Variants in AKAP6 observed in about 807,000 individuals in gnomAD.
AKAP6 encodes the protein A-kinase anchor protein 6.
AKAP6 carries 58 observed loss-of-function variants against 188.5 expected under a neutral mutation model. The ratio of observed to expected loss-of-function variants is 0.31; its 90% CI spans 0.25 to 0.38. The LOEUF is 0.38. Ranked by LOEUF, AKAP6 falls within the 10% of genes least tolerant of loss-of-function variation. The pLI is 1.00. For missense variants in AKAP6, 2,710 were observed against 2,740.0 expected, an observed-to-expected ratio of 0.99 and a Z score of 0.24; for synonymous variants, 989 against 998.6, an observed-to-expected ratio of 0.99 and a Z score of 0.18.
Position 32,433,305 on chromosome 14 carries a change from A to G in AKAP6, c.-34-155A>G, listed in dbSNP as rs984889740. On this transcript the variant is annotated intron_variant, in intron 1 of 13. Transcript: ENST00000280979. ...TGGCTCTTGGGGCTACCATGTAGAA[A>G]ATCAAAACACCTCTTTCTGTTTTTG... is the stretch of plus-strand genomic sequence containing the variant. 10 of 602,004 alleles carry G rather than the reference A, an allele frequency of 1.7e-5. No individual in the cohort carries two copies. The African/African-American group carries it at 1.7e-4, about 10-fold the overall frequency. 37.3% of individuals were successfully genotyped at this position (602,004 alleles called of 1,614,324 possible).
chr14:32,786,296 A>ATGTTTTTTT lies in AKAP6; in HGVS notation c.3588+12404_3588+12405insGTTTTTTTT. Among the ~76,000 whole-genome samples the ATGTTTTTTT allele has an allele frequency of 7.2e-3, 675 of 93,610 alleles. 121 individuals carry two copies. The highest frequency in any genetic ancestry group is 0.016 in the African/African-American group (392 of 24,348). 61.4% of individuals were successfully genotyped at this position (93,610 alleles called of 152,430 possible). On this transcript the variant is annotated intron_variant, in intron 12 of 13. Coordinates refer to ENST00000280979, the MANE Select transcript of AKAP6 (RefSeq NM_004274.5). ...AGCCCTCTGAAAGACCTAAACCTTT[A>ATGTTTTTTT]TCTTTTTTTTTTTTTTTTTTTTTTT...
chr14:32,822,499 A>G lies in AKAP6; in HGVS notation c.4686A>G (p.Leu1562=), dbSNP rs748259769. Residue 1562 remains leucine, a synonymous_variant, in exon 13 of 14, where the codon TTA becomes TTG. Transcript: ENST00000280979. ...AGAATGCCAAACAGCTCTCCCTTTT[A>G]TCTCATAGTTCATCTATTGAGTCCC... ...GMQNAKQLSL[L]SHSSSIESLS... is the part of the protein sequence containing the mutation. The G allele has an allele frequency of 6.2e-7, 1 of 1,614,062 alleles. No homozygotes were observed. Among genetic ancestry groups the G allele is most frequent in the East Asian group, 2.2e-5 (1 of 44,868 alleles).
At chr14:32,385,911 A>G (rs10152006) in intron 1 of AKAP6, among the ~76,000 whole-genome samples, 103,168 of 148,102 alleles carry the variant, frequency 0.7, 36,973 homozygotes, top group Middle Eastern at 0.77. Context: ...TTGTACATGT[A>G]GTCATATATT....
chr14:32,356,422 C>T (rs1301276201), intron 1 of AKAP6, among the ~76,000 whole-genome samples: 1 of 152,172 alleles, frequency 6.6e-6, no homozygotes, highest in Non-Finnish European at 1.5e-5. Context: ...TCTACACCTG[C>T]GTTTGCTTCT....
chr14:32,487,391 C>T (rs368933297), intron 2 of AKAP6, among the ~76,000 whole-genome samples: 10 of 152,112 alleles, frequency 6.6e-5, no homozygotes, highest in South Asian at 6.2e-4. Flanking sequence ...TCAGCTCCAT[C>T]AGGTCATTTA....
chr14:32,538,172 ACT>A (rs1882769843), intron 3 of AKAP6, among the ~76,000 whole-genome samples: 1 of 152,144 alleles, frequency 6.6e-6, no homozygotes, highest in African/African-American at 2.4e-5. Flanking sequence ...GTCTAGTGTG[ACT>A]CTATGAGGAT....
intron 4 of AKAP6, among the ~76,000 whole-genome samples, chr14:32,567,938 A>G (rs1315766920): frequency 1.3e-5 from 2 of 152,158 alleles, no homozygotes; most frequent in Admixed American, 6.6e-5. Flanking sequence ...AGCAAGTGGA[A>G]AAAAGAGGAG....
chr14:32,566,765 T>C (rs1424804676), intron 4 of AKAP6, among the ~76,000 whole-genome samples: 2 of 152,194 alleles, frequency 1.3e-5, no homozygotes, highest in African/African-American at 2.4e-5. Context: ...TCTTAAAAAC[T>C]CTAGTTCTGT....
At chr14:32,350,397 G>C (rs1046592029) in intron 1 of AKAP6, among the ~76,000 whole-genome samples, 2 of 151,934 alleles carry the variant, frequency 1.3e-5, no homozygotes, top group African/African-American at 2.4e-5. Flanking sequence ...GACATTCTAG[G>C]GATACTTGGC....
intron 2 of AKAP6, among the ~76,000 whole-genome samples, chr14:32,439,440 A>C (rs905132360): frequency 2.6e-5 from 4 of 152,086 alleles, no homozygotes; most frequent in Non-Finnish European, 4.4e-5. Context: ...CAGGCCTGGA[A>C]CCTGGGCTGG....
intron 2 of AKAP6, among the ~76,000 whole-genome samples, chr14:32,522,557 A>G (rs1424342237): frequency 6.6e-6 from 1 of 152,244 alleles, no homozygotes; most frequent in African/African-American, 2.4e-5. Context: ...TCAAAAGAAG[A>G]CATTTATGCA....
At chr14:32,453,494 T>G (rs552794098) in intron 2 of AKAP6, among the ~76,000 whole-genome samples, 1 of 152,054 alleles carries the variant, frequency 6.6e-6, no homozygotes, top group Non-Finnish European at 1.5e-5. Context: ...TGTATAGGCT[T>G]ACTGGGCTAT....
intron 12 of AKAP6, among the ~76,000 whole-genome samples, chr14:32,815,711 C>A (rs1169471459): frequency 6.6e-6 from 1 of 152,220 alleles, no homozygotes; most frequent in Non-Finnish European, 1.5e-5. Flanking sequence ...TTCAGCCATA[C>A]TATCGTCTCC....
intron 1 of AKAP6, chr14:32,375,973 T>A (rs1199821391): frequency 1.3e-5 from 2 of 152,238 alleles, no homozygotes; most frequent in Admixed American, 1.3e-4. Flanking sequence ...TGCTCCATAT[T>A]TTCTGCACAA....
At chr14:32,690,626 C>A (rs1324732313) in intron 8 of AKAP6, among the ~76,000 whole-genome samples, 1 of 151,990 alleles carries the variant, frequency 6.6e-6, no homozygotes, top group African/African-American at 2.4e-5. Flanking sequence ...GAGCAATTAC[C>A]CATAGTGCTT....
At chr14:32,787,075 T>G (rs3925864) in intron 12 of AKAP6, among the ~76,000 whole-genome samples, 54,749 of 152,086 alleles carry the variant, frequency 0.36, 11,614 homozygotes, top group Non-Finnish European at 0.46. Flanking sequence ...AGGATTCAAT[T>G]GGTGTCACTT....
At chr14:32,742,607 C>A (rs979047070) in intron 11 of AKAP6, among the ~76,000 whole-genome samples, 11 of 151,894 alleles carry the variant, frequency 7.2e-5, no homozygotes, top group African/African-American at 2.7e-4. Context: ...CAATTTCCTT[C>A]TTAATTTCTT....
chr14:32,548,555 T>C (rs1422445252), intron 4 of AKAP6, among the ~76,000 whole-genome samples: 2 of 151,470 alleles, frequency 1.3e-5, no homozygotes, highest in African/African-American at 2.4e-5. Flanking sequence ...GATAGATAGA[T>C]AGATAGATAG....
chr14:32,450,545 T>C (rs1360650624), intron 2 of AKAP6, among the ~76,000 whole-genome samples: 2 of 152,206 alleles, frequency 1.3e-5, no homozygotes, highest in Admixed American at 1.3e-4. Context: ...GACTCTCCAT[T>C]GTACTATATT....
Sources: gnomAD v4.1 joint callset for allele counts (sites outside exome capture counted in the v4.1 genomes callset) on GRCh38, gnomAD v4.1.1 for gene constraint, MANE v1.5 for transcripts, NCBI Gene and HGNC (gene_info 2026-07-23, HGNC 2026-07-21) for gene names.